Variants in RSU1 observed in about 807,000 individuals in gnomAD.
RSU1 encodes Ras suppressor protein 1.
Under a neutral mutation model 31.1 loss-of-function variants are expected in RSU1, and 26 were observed. The observed-to-expected ratio is 0.84, with a 90% confidence interval of 0.61 to 1.16. The LOEUF (loss-of-function observed/expected upper bound fraction) is 1.16, where lower values mean the gene tolerates loss of function less well. Ranked by LOEUF, RSU1 falls within the 50% of genes most tolerant of loss-of-function variation. The pLI, the probability that RSU1 is intolerant of heterozygous loss-of-function variation, is 0.00. For missense variants in RSU1, 320 were observed against 339.1 expected, an observed-to-expected ratio of 0.94 and a Z score of 0.44; for synonymous variants, 164 against 136.3, an observed-to-expected ratio of 1.20 and a Z score of -1.41.
chr10:16,633,771 C>T (rs1834296114), intron 8 of RSU1, among the ~76,000 whole-genome samples: 1 of 152,172 alleles, frequency 6.6e-6, no homozygotes, highest in Non-Finnish European at 1.5e-5. Context: ...TTTCAATGCT[C>T]ACACTCCTCA....
At chr10:16,624,709 T>C (rs1363973391) in intron 8 of RSU1, among the ~76,000 whole-genome samples, 1 of 152,132 alleles carries the variant, frequency 6.6e-6, no homozygotes, top group African/African-American at 2.4e-5. Context: ...TCTCTATCTG[T>C]GCACACTCTT....
At chr10:16,667,972 A>G (rs1835030620) in intron 8 of RSU1, among the ~76,000 whole-genome samples, 1 of 152,258 alleles carries the variant, frequency 6.6e-6, no homozygotes, top group African/African-American at 2.4e-5. Flanking sequence ...ATATAAATAT[A>G]TGAGAACAAT....
At chr10:16,694,816 A>G (rs1835639843) in intron 8 of RSU1, among the ~76,000 whole-genome samples, 1 of 152,078 alleles carries the variant, frequency 6.6e-6, no homozygotes, top group Admixed American at 6.5e-5. Flanking sequence ...GGCTCAAGCA[A>G]TCCTCTAGTC....
intron 8 of RSU1, among the ~76,000 whole-genome samples, chr10:16,619,876 C>T (rs946048350): frequency 1.3e-5 from 2 of 152,132 alleles, no homozygotes; most frequent in African/African-American, 4.8e-5. Flanking sequence ...TTAAACATAA[C>T]TTCTGCTTCT....
intron 4 of RSU1, among the ~76,000 whole-genome samples, chr10:16,759,752 C>G (rs183801398): frequency 3.9e-5 from 6 of 152,270 alleles, no homozygotes; most frequent in Admixed American, 3.9e-4. Context: ...AAATAAACCG[C>G]ATTTAAGGAA....
chr10:16,662,579 A>G (rs374620285), intron 8 of RSU1, among the ~76,000 whole-genome samples: 3 of 152,352 alleles, frequency 2.0e-5, no homozygotes, highest in East Asian at 3.9e-4. Context: ...TAATTGTGGC[A>G]AATTTAGTCA....
At chr10:16,778,679 G>C (rs1405430467) in intron 3 of RSU1, among the ~76,000 whole-genome samples, 2 of 152,198 alleles carry the variant, frequency 1.3e-5, no homozygotes, top group Non-Finnish European at 2.9e-5. Flanking sequence ...GATGGGGAGA[G>C]GCTGGTAGAG....
intron 7 of RSU1, among the ~76,000 whole-genome samples, chr10:16,740,434 T>G (rs1343539842): frequency 1.3e-5 from 2 of 152,174 alleles, no homozygotes; most frequent in Non-Finnish European, 2.9e-5. Context: ...CCCTTAAGAT[T>G]TAAGACAAGG....
At chr10:16,775,377 G>A (rs1837507807) in intron 3 of RSU1, among the ~76,000 whole-genome samples, 1 of 152,294 alleles carries the variant, frequency 6.6e-6, no homozygotes, top group Middle Eastern at 3.4e-3. Context: ...AAGTTCTCAC[G>A]ATTGGGGTGG....
chr10:16,769,469 A>G (rs1331579653), intron 3 of RSU1, among the ~76,000 whole-genome samples: 1 of 152,236 alleles, frequency 6.6e-6, no homozygotes, highest in East Asian at 1.9e-4. Context: ...GACCGTTTCC[A>G]TCACCGCAAA....
At chr10:16,751,988 G>C (rs1836989520) in intron 7 of RSU1, among the ~76,000 whole-genome samples, 1 of 152,104 alleles carries the variant, frequency 6.6e-6, no homozygotes. Flanking sequence ...GCCAGGAGTA[G>C]GATCCATTCC....
chr10:16,689,449 T>C (rs1287913627), intron 8 of RSU1, among the ~76,000 whole-genome samples: 1 of 152,222 alleles, frequency 6.6e-6, no homozygotes, highest in East Asian at 1.9e-4. Flanking sequence ...GAGGATATAG[T>C]AGTTGTTTAA....
chr10:16,684,346 A>T (rs6602145), intron 8 of RSU1, among the ~76,000 whole-genome samples: 57,944 of 152,004 alleles, frequency 0.38, 12,192 homozygotes, highest in African/African-American at 0.56. Context: ...ATTTATGGTT[A>T]GTAGGGCATG....
At chr10:16,707,904 T>C (rs1835938423) in intron 7 of RSU1, among the ~76,000 whole-genome samples, 1 of 152,128 alleles carries the variant, frequency 6.6e-6, no homozygotes, top group Non-Finnish European at 1.5e-5. Flanking sequence ...TGGTAAGAGG[T>C]AGAGGTCTAG....
At chr10:16,778,463 T>G (rs1837583968) in intron 3 of RSU1, among the ~76,000 whole-genome samples, 1 of 151,966 alleles carries the variant, frequency 6.6e-6, no homozygotes, top group Non-Finnish European at 1.5e-5. Flanking sequence ...GCGAAGCCAC[T>G]AAGGGCCCAG....
At chr10:16,709,935 G>A (rs935329752) in intron 7 of RSU1, among the ~76,000 whole-genome samples, 15 of 151,816 alleles carry the variant, frequency 9.9e-5, no homozygotes, top group Admixed American at 7.2e-4. Context: ...TCTCCCATTC[G>A]GTTTTCTATA....
chr10:16,774,504 A>C (rs1354419925), intron 3 of RSU1, among the ~76,000 whole-genome samples: 2 of 152,216 alleles, frequency 1.3e-5, no homozygotes, highest in Non-Finnish European at 2.9e-5. Context: ...CGGGAGATGG[A>C]GGTTGCAGTG....
rs1255375250 is a variant in RSU1 at position 16,782,025 on chromosome 10, A to T, written c.160+9T>A. The T allele has an allele frequency of 3.1e-6, 5 of 1,611,752 alleles. No individual in the cohort carries two copies. Among genetic ancestry groups the T allele is most frequent in the Non-Finnish European group, 4.2e-6 (5 of 1,178,316 alleles). On this transcript the variant is annotated intron_variant, in intron 3 of 8. Coordinates refer to ENST00000345264, the MANE Select transcript of RSU1 (RefSeq NM_012425.4). ...TCAGAAACTGTAACAAATGAGAAAC[A>T]TCACTTACTTGTTAGCTTGTTATGG...
In RSU1 at chr10:16,663,184, C is replaced by T. The variant is rs530046238; in HGVS notation, c.731+31839G>A. On this transcript the variant is annotated intron_variant, in intron 8 of 8. Transcript: ENST00000345264. ...AGAGCCTGGCAGACATGGTTAGGAT[C>T]GTTCTGAAAAATTTTTTCAAGGCAG... Among the ~76,000 whole-genome samples, 11 of 152,142 alleles carry T rather than the reference C, an allele frequency of 7.2e-5. No homozygotes were observed. The South Asian group carries it at 1.5e-3, about 20-fold the overall frequency.
Sources: allele counts gnomAD v4.1 joint callset (sites outside exome capture counted in the v4.1 genomes callset), GRCh38; gene constraint gnomAD v4.1.1; transcripts MANE v1.5; gene names NCBI Gene and HGNC (gene_info 2026-07-23, HGNC 2026-07-21).